The following IL1RAP variants were observed in gnomAD, a reference collection of about 807,000 sequenced individuals.
The protein encoded by IL1RAP is interleukin 1 receptor accessory protein.
In IL1RAP, 35 loss-of-function variants were observed where a neutral mutation model predicts 60.7. That is an observed-to-expected ratio of 0.58 (90% CI 0.44 to 0.76). The LOEUF is 0.76. Among genes scored for constraint, IL1RAP ranks in the 30% least tolerant of loss-of-function variants. The pLI, the probability that IL1RAP is intolerant of heterozygous loss-of-function variation, is 0.00. For missense variants in IL1RAP, 572 were observed against 693.9 expected (o/e 0.82, Z 1.97); for synonymous variants, 268 against 250.9 (o/e 1.07, Z -0.64).
intron 3 of IL1RAP, among the ~76,000 whole-genome samples, chr3:190,565,310 A>G (rs1396806436): frequency 6.6e-6 from 1 of 152,184 alleles, no homozygotes; most frequent in Non-Finnish European, 1.5e-5. Context: ...CATAAACCAT[A>G]CTTTACATAT....
chr3:190,596,190 T>C, intron 3 of IL1RAP, among the ~76,000 whole-genome samples: 1 of 152,252 alleles, frequency 6.6e-6, no homozygotes, highest in East Asian at 1.9e-4. Context: ...TATACTTATA[T>C]GTCTGTCTAC....
intron 5 of IL1RAP, among the ~76,000 whole-genome samples, chr3:190,614,189 T>C (rs1472874409): frequency 1.3e-5 from 2 of 150,844 alleles, no homozygotes; most frequent in Non-Finnish European, 3.0e-5. Context: ...CTCATAGACT[T>C]ATTTGCATTA....
At chr3:190,640,549 C>G (rs1733580499) in intron 9 of IL1RAP, among the ~76,000 whole-genome samples, 1 of 152,214 alleles carries the variant, frequency 6.6e-6, no homozygotes, top group South Asian at 2.1e-4. Flanking sequence ...CCATCAGTCC[C>G]AATAATTTAG....
At chr3:190,656,836 G>A (rs1734634915) in exon 12 of IL1RAP, 1 of 424,162 alleles carries the variant, frequency 2.4e-6, no homozygotes, top group Non-Finnish European at 4.2e-6. Context: ...GGCCCTAGAA[G>A]GTCAGTATGT....
At chr3:190,612,615 A>G (rs1730917943) in intron 5 of IL1RAP, among the ~76,000 whole-genome samples, 1 of 152,112 alleles carries the variant, frequency 6.6e-6, no homozygotes, top group African/African-American at 2.4e-5. Context: ...ATGACTACAG[A>G]TAGTCCTCGA....
chr3:190,629,223 A>T (rs1732567697), intron 8 of IL1RAP, 127 bp from the exon 9 acceptor site: 5 of 619,638 alleles, frequency 8.1e-6, no homozygotes, highest in Non-Finnish European at 1.1e-5. Flanking sequence ...TAGGTGGCTC[A>T]GCTTATCAAC....
At chr3:190,563,046 A>AT (rs1239164861) in intron 2 of IL1RAP, among the ~76,000 whole-genome samples, 2 of 152,158 alleles carry the variant, frequency 1.3e-5, no homozygotes, top group Non-Finnish European at 2.9e-5. Context: ...GGAAACTTGC[A>AT]TAGTCCTTTA....
At chr3:190,659,655 G>C (rs1734721694) in exon 12 of IL1RAP, 1 of 152,126 alleles carries the variant, frequency 6.6e-6, no homozygotes, top group Non-Finnish European at 1.5e-5. Context: ...AAATAGAGAT[G>C]GATGTGAGTC....
rs149640696 is a variant in IL1RAP, at chr3:190,554,443, C to A, written c.-88-1687C>A. On this transcript the variant is annotated intron_variant, in intron 1 of 11. Coordinates refer to ENST00000447382, the MANE Select transcript of IL1RAP (RefSeq NM_002182.4). ...CCGTTCAACCAGTGTGCAGACCAGCCGGAGGTTCTCCTGGGGACCCTTTAT... is the reference window on the plus strand; with the variant it reads ...CCGTTCAACCAGTGTGCAGACCAGCAGGAGGTTCTCCTGGGGACCCTTTAT... Among the ~76,000 whole-genome samples, 825 of 152,176 alleles carry A rather than the reference C, an allele frequency of 5.4e-3. 3 individuals are homozygous for A. Among genetic ancestry groups the A allele is most frequent in the African/African-American group, 0.017 (700 of 41,532 alleles).
chr3:190,654,190 TCACACA>T (rs57074064), downstream of IL1RAP, among the ~76,000 whole-genome samples: 228 of 140,506 alleles, frequency 1.6e-3, no homozygotes, highest in African/African-American at 4.1e-3. Flanking sequence ...AAACATCATA[TCACACA>T]CACACACACA....
intron 4 of IL1RAP, among the ~76,000 whole-genome samples, chr3:190,606,034 G>T (rs2108756489): frequency 6.6e-6 from 1 of 152,106 alleles, no homozygotes; most frequent in East Asian, 1.9e-4. Flanking sequence ...TGTGAAAAAA[G>T]ATCTCTTTTC....
At chr3:190,566,806 A>C (rs1307188847) in intron 3 of IL1RAP, among the ~76,000 whole-genome samples, 3 of 152,142 alleles carry the variant, frequency 2.0e-5, no homozygotes, top group Non-Finnish European at 4.4e-5. Flanking sequence ...GGAAGAAAGA[A>C]ATCATTGCGC....
downstream of IL1RAP, chr3:190,656,062 C>A (rs1316763270): frequency 3.9e-6 from 6 of 1,537,104 alleles, no homozygotes; most frequent in East Asian, 1.5e-4. Context: ...TCCCCTTGAG[C>A]ACCCGCACCC....
intron 5 of IL1RAP, among the ~76,000 whole-genome samples, chr3:190,614,872 C>T (rs1331513522): frequency 1.2e-4 from 19 of 152,180 alleles, no homozygotes; most frequent in African/African-American, 4.3e-4. Flanking sequence ...GATCTTTGAA[C>T]ACATACTGGG....
At chr3:190,620,099 G>A (rs1386588514) in intron 5 of IL1RAP, among the ~76,000 whole-genome samples, 176 bp from the exon 6 acceptor site, 5 of 152,098 alleles carry the variant, frequency 3.3e-5, no homozygotes, top group Non-Finnish European at 7.4e-5. Flanking sequence ...AATGACAGGT[G>A]TTTCATTTAT....
intron 9 of IL1RAP, among the ~76,000 whole-genome samples, chr3:190,635,314 C>T (rs1733134325): frequency 6.6e-6 from 1 of 152,028 alleles, no homozygotes. Flanking sequence ...TTTCAATGAA[C>T]ATATTTTTAT....
chr3:190,586,017 TC>T (rs1450163491), intron 3 of IL1RAP, among the ~76,000 whole-genome samples: 1 of 151,986 alleles, frequency 6.6e-6, no homozygotes, highest in African/African-American at 2.4e-5. Flanking sequence ...ATGGCTCACA[TC>T]AGCCTGGACT....
intron 3 of IL1RAP, among the ~76,000 whole-genome samples, chr3:190,569,358 C>T (rs1421955505): frequency 6.6e-6 from 1 of 152,180 alleles, no homozygotes; most frequent in African/African-American, 2.4e-5. Flanking sequence ...AATATCCTTG[C>T]TTTAATAACT....
intron 3 of IL1RAP, among the ~76,000 whole-genome samples, chr3:190,573,576 C>T (rs142356339): frequency 4.6e-5 from 7 of 152,098 alleles, no homozygotes; most frequent in Admixed American, 2.0e-4. Context: ...AAAGTGAAGA[C>T]GGGGTTGGTT....
Sources: allele counts gnomAD v4.1 joint callset (sites outside exome capture counted in the v4.1 genomes callset), GRCh38; gene constraint gnomAD v4.1.1; transcripts MANE v1.5; gene names NCBI Gene and HGNC (gene_info 2026-07-23, HGNC 2026-07-21).